The following ARHGEF12 variants were observed in gnomAD, a reference collection of about 807,000 sequenced individuals.
ARHGEF12 encodes the protein KMT2A/ARHGEF12 fusion protein.
ARHGEF12 carries 66 observed loss-of-function variants against 211.2 expected under a neutral mutation model. The observed-to-expected ratio is 0.31, with a 90% CI of 0.26 to 0.38. The LOEUF (loss-of-function observed/expected upper bound fraction) is 0.38, where lower values mean the gene tolerates loss of function less well. Ranked by LOEUF, ARHGEF12 falls within the 10% of genes least tolerant of loss-of-function variation. The pLI, the probability that ARHGEF12 is intolerant of heterozygous loss-of-function variation, is 1.00. For missense variants in ARHGEF12, 1,429 were observed against 1,869.5 expected (o/e 0.76, Z 4.34); for synonymous variants, 592 against 638.4 (o/e 0.93, Z 1.09).
At chr11:120,447,276 T>C in intron 18 of ARHGEF12, 191 bp downstream of exon 18, 1 of 524,042 alleles carries the variant, frequency 1.9e-6, no homozygotes, top group Non-Finnish European at 3.1e-6. Context: ...CTTGTGTTCC[T>C]TTTTCTGGGT....
At position 120,486,427 on chromosome 11, in the gene ARHGEF12, G is replaced by A. The variant is rs984082244; in HGVS notation, c.*1350G>A. The A allele has an allele frequency of 4.3e-6, 1 of 231,934 alleles. No individual in the cohort carries two copies. The highest frequency in any genetic ancestry group is 8.5e-6 in the Non-Finnish European group (1 of 117,186). The allele number at this position is 231,934 out of a possible 1,614,324, so 14.4% of individuals were successfully genotyped here. A position where few individuals can be genotyped will look rare whatever the true frequency, so the allele number is the denominator to read the frequency against. ...CACATACACTGGACACTGCAGGCAA[G>A]GTGTTGGTAACTGCCTGCTCTAGGA... On this transcript the variant is annotated 3_prime_UTR_variant, in exon 41 of 41. Transcript: ENST00000397843.
At chr11:120,469,431 A>G in intron 30 of ARHGEF12, 43 bp downstream of exon 30, 1 of 1,437,810 alleles carries the variant, frequency 7.0e-7, no homozygotes. Flanking sequence ...CATTGGGAGA[A>G]CATTAAATTA....
intron 1 of ARHGEF12, among the ~76,000 whole-genome samples, chr11:120,379,278 T>C (rs772314726): frequency 6.6e-6 from 1 of 152,040 alleles, no homozygotes; most frequent in Non-Finnish European, 1.5e-5. Flanking sequence ...TCATCTTACA[T>C]ACTGTTACTA....
At chr11:120,467,606 CTT>C (rs71050748) in intron 29 of ARHGEF12, among the ~76,000 whole-genome samples, 8 of 106,894 alleles carry the variant, frequency 7.5e-5, no homozygotes, top group Admixed American at 3.1e-4. Flanking sequence ...CCACACTTGG[CTT>C]TTTTTTTTTT....
chr11:120,421,695 C>G, intron 5 of ARHGEF12, 108 bp from the exon 6 acceptor site: 1 of 1,037,340 alleles, frequency 9.6e-7, no homozygotes, highest in Admixed American at 2.0e-5. Flanking sequence ...CTCGGCCTCC[C>G]AAAGGACAGC....
rs758074793 is a variant in ARHGEF12, at chr11:120,473,100, A to C, written c.3006A>C (p.Ser1002=). 1.2e-5 allele frequency: 20 copies of C among 1,613,558 alleles called. No individual in the cohort carries two copies. The highest frequency in any genetic ancestry group is 5.0e-5 in the Admixed American group (3 of 59,994). The stretch of plus-strand genomic sequence containing the variant: ...TTGATACCTCCAGCCTGAAGTTGTC[A>C]GAGTACCCAAATGTTGAAGAGCTCA... ...RRLDTSSLKL[S]EYPNVEELRN... The change falls in exon 31 of 41, where the codon TCA becomes TCC. Residue 1002 remains serine, a synonymous_variant. Transcript: ENST00000397843.
chr11:120,443,021 CTTT>C (rs371200953), intron 15 of ARHGEF12, among the ~76,000 whole-genome samples: 5 of 133,666 alleles, frequency 3.7e-5, no homozygotes, highest in Admixed American at 7.7e-5. Flanking sequence ...GAGTGACTGT[CTTT>C]TTTTTTTTTT....
intron 27 of ARHGEF12, 121 bp downstream of exon 27, chr11:120,460,878 TGA>T: frequency 1.2e-6 from 1 of 846,140 alleles, no homozygotes. Context: ...AATGCAAAGC[TGA>T]GAAAGGTCAA....
intron 37 of ARHGEF12, 67 bp from the exon 38 acceptor site, chr11:120,479,893 A>T: frequency 7.4e-7 from 1 of 1,347,546 alleles, no homozygotes; most frequent in Non-Finnish European, 1.0e-6. Flanking sequence ...CAGCTAATTT[A>T]ATTCTTGCAG....
chr11:120,469,426 G>C, intron 30 of ARHGEF12, 38 bp downstream of exon 30: 2 of 1,478,304 alleles, frequency 1.4e-6, no homozygotes, highest in Non-Finnish European at 1.9e-6. Context: ...GATGACATTG[G>C]GAGAACATTA....
chr11:120,384,506 A>G (rs766092413), intron 1 of ARHGEF12, among the ~76,000 whole-genome samples: 6 of 152,202 alleles, frequency 3.9e-5, no homozygotes, highest in Non-Finnish European at 5.9e-5. Flanking sequence ...TAGTATAGCA[A>G]TGCATTTTTT....
chr11:120,457,419 A>T, intron 23 of ARHGEF12, 169 bp downstream of exon 23: 2 of 741,874 alleles, frequency 2.7e-6, no homozygotes, highest in Non-Finnish European at 3.9e-6. Context: ...ACTTAAACTC[A>T]GGAGTTTGAG....
intron 28 of ARHGEF12, among the ~76,000 whole-genome samples, 176 bp downstream of exon 28, chr11:120,465,538 C>T (rs1164731159): frequency 1.3e-5 from 2 of 152,100 alleles, no homozygotes; most frequent in Non-Finnish European, 2.9e-5. Flanking sequence ...ACAATCTCAG[C>T]TCACTGCAAC....
intron 7 of ARHGEF12, among the ~76,000 whole-genome samples, chr11:120,425,360 G>C (rs1043911818): frequency 7.2e-6 from 1 of 139,114 alleles, no homozygotes. Flanking sequence ...TTTTTTGTTT[G>C]TTTGTTTTTA....
chr11:120,344,293 A>C (rs1392213900), intron 1 of ARHGEF12, among the ~76,000 whole-genome samples: 1 of 139,972 alleles, frequency 7.1e-6, no homozygotes, highest in African/African-American at 2.6e-5. Flanking sequence ...AAAAAAAAAA[A>C]ACTGGAGACT....
intron 22 of ARHGEF12, among the ~76,000 whole-genome samples, chr11:120,454,934 C>G (rs1465674078): frequency 6.6e-6 from 1 of 152,088 alleles, no homozygotes; most frequent in African/African-American, 2.4e-5. Context: ...CTAGCCCATA[C>G]TCAGGGAGGG....
chr11:120,450,669 CTT>C (rs1250623691), intron 21 of ARHGEF12: 1 of 152,296 alleles, frequency 6.6e-6, no homozygotes, highest in African/African-American at 2.4e-5. Flanking sequence ...GAGTGGGAGT[CTT>C]TGGCTTCTTG....
chr11:120,399,063 C>T (rs1343525531), intron 1 of ARHGEF12, among the ~76,000 whole-genome samples: 3 of 151,346 alleles, frequency 2.0e-5, no homozygotes, highest in African/African-American at 7.3e-5. Context: ...GCCTGTAATC[C>T]CAGTGCTTTG....
At chr11:120,449,803 T>G (rs1293395926) in intron 21 of ARHGEF12, 1 of 151,836 alleles carries the variant, frequency 6.6e-6, no homozygotes, top group Non-Finnish European at 1.5e-5. Context: ...CTCTTCTGAT[T>G]CTGTTTCCAT....
Sources: allele counts gnomAD v4.1 joint callset (sites outside exome capture counted in the v4.1 genomes callset), GRCh38; gene constraint gnomAD v4.1.1; transcripts MANE v1.5; gene names NCBI Gene and HGNC (gene_info 2026-07-23, HGNC 2026-07-21).